NAALADL2: variants seen among roughly 807,000 people sequenced by gnomAD.
NAALADL2 encodes the protein N-acetylated alpha-linked acidic dipeptidase like 2.
In NAALADL2, 76 loss-of-function variants were observed where a neutral mutation model predicts 87.2. The ratio of observed to expected loss-of-function variants is 0.87; its 90% confidence interval spans 0.72 to 1.05. NAALADL2 has a LOEUF of 1.05. Among genes scored for constraint, NAALADL2 ranks in the 50% least tolerant of loss-of-function variants. The pLI is 0.00. For synonymous variants in NAALADL2, 354 were observed against 331.0 expected, an observed-to-expected ratio of 1.07 and a Z score of -0.75; for missense variants, 1,089 against 945.8, an observed-to-expected ratio of 1.15 and a Z score of -1.99.
intron 10 of NAALADL2, among the ~76,000 whole-genome samples, chr3:175,579,368 C>G (rs907405061): frequency 1.3e-5 from 2 of 152,096 alleles, no homozygotes; most frequent in African/African-American, 4.8e-5. Context: ...AAAAACATGA[C>G]ATTTTGTAAT....
At chr3:175,479,031 A>ATAAATT (rs1159928377) in intron 9 of NAALADL2, among the ~76,000 whole-genome samples, 1 of 151,862 alleles carries the variant, frequency 6.6e-6, no homozygotes, top group Non-Finnish European at 1.5e-5. Context: ...GAATAATGAA[A>ATAAATT]TAAATTTAAA....
chr3:175,117,133 A>G (rs1177011675), intron 2 of NAALADL2, among the ~76,000 whole-genome samples: 2 of 152,160 alleles, frequency 1.3e-5, no homozygotes, highest in Non-Finnish European at 2.9e-5. Context: ...AAAGACTTAA[A>G]TATTAGACCT....
chr3:174,522,933 C>CAA (rs57653560), intron 1 of NAALADL2, among the ~76,000 whole-genome samples: 46 of 75,796 alleles, frequency 6.1e-4, no homozygotes, highest in Non-Finnish European at 5.9e-4. Context: ...GACTCTGTCT[C>CAA]AAAAAAAAAA....
chr3:175,217,216 A>T (rs1455395113), intron 2 of NAALADL2, among the ~76,000 whole-genome samples: 6 of 152,198 alleles, frequency 3.9e-5, no homozygotes. Flanking sequence ...ACATATGGCC[A>T]AAACTTACAC....
intron 9 of NAALADL2, among the ~76,000 whole-genome samples, chr3:175,501,544 A>G (rs1326568325): frequency 6.6e-6 from 1 of 151,930 alleles, no homozygotes; most frequent in East Asian, 1.9e-4. Context: ...ACTGAGAGAC[A>G]GGGAAGATTT....
At chr3:175,196,032 G>A (rs1738944319) in intron 2 of NAALADL2, among the ~76,000 whole-genome samples, 1 of 151,912 alleles carries the variant, frequency 6.6e-6, no homozygotes, top group Non-Finnish European at 1.5e-5. Flanking sequence ...GTAGCCAAGG[G>A]TGGTGTTCAA....
At chr3:174,547,583 A>T (rs1335390117) in intron 1 of NAALADL2, among the ~76,000 whole-genome samples, 1 of 152,050 alleles carries the variant, frequency 6.6e-6, no homozygotes, top group African/African-American at 2.4e-5. Flanking sequence ...TCCTAATAAT[A>T]AGGATTCACA....
At chr3:175,730,429 T>C (rs1288006835) in intron 11 of NAALADL2, among the ~76,000 whole-genome samples, 3 of 87,858 alleles carry the variant, frequency 3.4e-5, no homozygotes, top group African/African-American at 9.3e-5. Flanking sequence ...TATATATATA[T>C]ATATATATAT....
intron 9 of NAALADL2, among the ~76,000 whole-genome samples, chr3:175,540,803 C>T (rs1712180448): frequency 6.6e-6 from 1 of 152,168 alleles, no homozygotes; most frequent in Non-Finnish European, 1.5e-5. Context: ...GTACCATTTA[C>T]TAAATAGGGG....
In NAALADL2 at chr3:175,195,957, A is replaced by G. The variant is rs574008335; in HGVS notation, c.546-37974A>G. 5.3e-5 allele frequency among the ~76,000 whole-genome samples: 8 copies of G among 152,006 alleles called. No homozygotes were observed. The South Asian group carries it at 1.4e-3, about 28-fold the overall frequency. On this transcript the variant is annotated intron_variant, in intron 2 of 13. Transcript: ENST00000454872. ...ACCCACTGATCTAGAGACTGAATAA[A>G]GAGCTTATATTTGGGGGCAAGTAGA...
At chr3:174,537,257 G>A (rs1457543997) in intron 1 of NAALADL2, among the ~76,000 whole-genome samples, 1 of 152,078 alleles carries the variant, frequency 6.6e-6, no homozygotes, top group Non-Finnish European at 1.5e-5. Flanking sequence ...GCTAGCAATT[G>A]TTTTTTATTA....
intron 3 of NAALADL2, among the ~76,000 whole-genome samples, chr3:175,253,841 A>G (rs1031985938): frequency 6.6e-6 from 1 of 152,172 alleles, no homozygotes; most frequent in Non-Finnish European, 1.5e-5. Flanking sequence ...TAGCAAGGAA[A>G]CTAGAATTTG....
chr3:174,749,772 T>C (rs915023948), intron 3 of NAALADL2, among the ~76,000 whole-genome samples: 2 of 152,162 alleles, frequency 1.3e-5, no homozygotes, highest in East Asian at 1.9e-4. Context: ...TTAGATATAA[T>C]TGGCACTCAA....
intron 1 of NAALADL2, among the ~76,000 whole-genome samples, chr3:174,889,672 G>C (rs1009967003): frequency 2.6e-5 from 4 of 151,972 alleles, no homozygotes; most frequent in African/African-American, 9.7e-5. Context: ...AATTGACAAG[G>C]CATGACTAAA....
At chr3:175,654,521 A>G (rs367898343) in intron 11 of NAALADL2, among the ~76,000 whole-genome samples, 1 of 152,138 alleles carries the variant, frequency 6.6e-6, no homozygotes, top group East Asian at 1.9e-4. Context: ...GCTTTATCTC[A>G]AATCATATTA....
chr3:175,645,503 C>A (rs1004932631), intron 11 of NAALADL2, among the ~76,000 whole-genome samples: 1 of 152,078 alleles, frequency 6.6e-6, no homozygotes, highest in East Asian at 1.9e-4. Context: ...TAGTCTGGGA[C>A]GTCTGGAAAA....
chr3:174,661,567 C>CTTTCTTT (rs59676926), intron 2 of NAALADL2, among the ~76,000 whole-genome samples: 2 of 152,032 alleles, frequency 1.3e-5, no homozygotes, highest in African/African-American at 4.8e-5. Flanking sequence ...CTTCTTTCTT[C>CTTTCTTT]GTCTGTCTTC....
intron 3 of NAALADL2, among the ~76,000 whole-genome samples, chr3:174,807,548 C>G (rs758753792): frequency 2.0e-5 from 3 of 151,952 alleles, no homozygotes; most frequent in Non-Finnish European, 1.5e-5. Flanking sequence ...TGACATGTTG[C>G]CATGCTAATA....
chr3:175,390,132 A>G (rs1768899393), intron 5 of NAALADL2, among the ~76,000 whole-genome samples: 1 of 152,128 alleles, frequency 6.6e-6, no homozygotes, highest in Non-Finnish European at 1.5e-5. Context: ...TAAAAAAAAA[A>G]TAGAACTTTT....
Sources: gnomAD v4.1 joint callset for allele counts (sites outside exome capture counted in the v4.1 genomes callset) on GRCh38, gnomAD v4.1.1 for gene constraint, MANE v1.5 for transcripts, NCBI Gene and HGNC (gene_info 2026-07-23, HGNC 2026-07-21) for gene names.